Variants in BRAF observed in about 807,000 individuals in gnomAD.
The protein encoded by BRAF is B-Raf proto-oncogene, serine/threonine kinase.
Under a neutral mutation model 104.6 loss-of-function variants are expected in BRAF, and 16 were observed. The ratio of observed to expected loss-of-function variants is 0.15; its 90% CI spans 0.10 to 0.23. The LOEUF (loss-of-function observed/expected upper bound fraction) is 0.23, where lower values mean the gene tolerates loss of function less well. Among genes scored for constraint, BRAF ranks in the 10% least tolerant of loss-of-function variants. BRAF has a pLI of 1.00. For synonymous variants in BRAF, 310 were observed against 341.6 expected (o/e 0.91, Z 1.02); for missense variants, 541 against 937.3 (o/e 0.58, Z 5.52).
intron 3 of BRAF, among the ~76,000 whole-genome samples, chr7:140,829,185 A>G (rs926965587): frequency 8.4e-6 from 1 of 118,918 alleles, no homozygotes; most frequent in African/African-American, 2.7e-5. Flanking sequence ...GACTCTGTTA[A>G]GGTTTTTTTT....
At chr7:140,770,527 C>CAAAA (rs35621209) in intron 14 of BRAF, among the ~76,000 whole-genome samples, 1,466 of 63,396 alleles carry the variant, frequency 0.023, 57 homozygotes, top group African/African-American at 0.06. Flanking sequence ...TAAGGCCTGC[C>CAAAA]AAAAAAAAAA....
intron 10 of BRAF, 123 bp from the exon 10 acceptor site, chr7:140,783,280 C>G (rs1247844669): frequency 1.6e-6 from 2 of 1,268,360 alleles, no homozygotes; most frequent in Non-Finnish European, 2.2e-6. Flanking sequence ...TAAATATAGA[C>G]CTTTTGGAAA....
intron 1 of BRAF, among the ~76,000 whole-genome samples, chr7:140,866,628 AAT>A (rs2129088170): frequency 6.6e-6 from 1 of 152,310 alleles, no homozygotes; most frequent in South Asian, 2.1e-4. Flanking sequence ...AGGCTAGAGA[AAT>A]AATAGTTAAG....
chr7:140,782,735 C>G (rs535417277), intron 11 of BRAF, among the ~76,000 whole-genome samples: 6 of 152,198 alleles, frequency 3.9e-5, no homozygotes, highest in Admixed American at 3.3e-4. Flanking sequence ...TCTGGACCAG[C>G]CTTTTCGTGC....
chr7:140,791,612 C>A (rs1401747129), intron 8 of BRAF, among the ~76,000 whole-genome samples: 1 of 152,174 alleles, frequency 6.6e-6, no homozygotes, highest in African/African-American at 2.4e-5. Flanking sequence ...AAATCTGTAT[C>A]TCTACTCAAG....
intron 1 of BRAF, among the ~76,000 whole-genome samples, chr7:140,912,050 A>G (rs889603166): frequency 1.3e-5 from 2 of 152,228 alleles, no homozygotes; most frequent in African/African-American, 4.8e-5. Flanking sequence ...CTACTCGGGA[A>G]GCTGAGGTGA....
At chr7:140,849,084 T>C (rs1049509527) in intron 2 of BRAF, among the ~76,000 whole-genome samples, 1 of 152,210 alleles carries the variant, frequency 6.6e-6, no homozygotes, top group Admixed American at 6.5e-5. Flanking sequence ...CTCCATCTCC[T>C]TGCCTCACTA....
intron 16 of BRAF, among the ~76,000 whole-genome samples, chr7:140,751,418 G>A (rs541498901): frequency 3.0e-4 from 46 of 152,088 alleles, no homozygotes; most frequent in African/African-American, 1.1e-3. Flanking sequence ...TTTTTCACAA[G>A]GTGTGTATGC....
At chr7:140,860,112 C>G (rs1393263103) in intron 1 of BRAF, among the ~76,000 whole-genome samples, 1 of 152,096 alleles carries the variant, frequency 6.6e-6, no homozygotes, top group African/African-American at 2.4e-5. Flanking sequence ...AGCATAGAGA[C>G]AGAAAGCCCA....
chr7:140,724,588 A>G lies in BRAF; in HGVS notation c.*1906T>C, dbSNP rs1795498966. On this transcript the variant is annotated 3_prime_UTR_variant, in exon 20 of 20. Transcript: ENST00000644969. ...TTTTACTAGGACAACCTTTTACAAG[A>G]CAATGAAAATTTCAATAGGCTTTCT... 9.6e-6 allele frequency: 10 copies of G among 1,040,506 alleles called. No homozygotes were observed. Among genetic ancestry groups the G allele is most frequent in the Non-Finnish European group, 1.2e-5 (10 of 863,476 alleles). The allele number at this position is 1,040,506 out of a possible 1,614,324, so 64.5% of individuals were successfully genotyped here.
intron 14 of BRAF, among the ~76,000 whole-genome samples, chr7:140,768,247 G>A (rs576973297): frequency 2.1e-5 from 2 of 93,598 alleles, no homozygotes; most frequent in East Asian, 3.3e-4. Flanking sequence ...ATATTTCCTC[G>A]TAACATGATT....
At chr7:140,865,950 AG>A (rs1283869490) in intron 1 of BRAF, among the ~76,000 whole-genome samples, 2 of 152,178 alleles carry the variant, frequency 1.3e-5, no homozygotes, top group Non-Finnish European at 2.9e-5. Flanking sequence ...CAGGGATGGC[AG>A]GGGAAAGGAG....
At chr7:140,783,254 A>T in intron 10 of BRAF, 97 bp from the exon 10 acceptor site, 1 of 1,451,276 alleles carries the variant, frequency 6.9e-7, no homozygotes, top group African/African-American at 1.4e-5. Context: ...CTTAATTTTA[A>T]AATGTAGTGC....
chr7:140,774,210 T>G (rs542484641), intron 14 of BRAF, among the ~76,000 whole-genome samples: 1 of 152,348 alleles, frequency 6.6e-6, no homozygotes, highest in African/African-American at 2.4e-5. Flanking sequence ...CTTTTTCAGT[T>G]ACTAAAATCT....
chr7:140,878,570 T>C (rs914704812), intron 1 of BRAF, among the ~76,000 whole-genome samples: 2 of 151,638 alleles, frequency 1.3e-5, no homozygotes, highest in Admixed American at 6.6e-5. Context: ...GACAGTAGAG[T>C]AGTGGTTATC....
intron 3 of BRAF, among the ~76,000 whole-genome samples, chr7:140,825,591 C>G (rs377515125): frequency 6.6e-6 from 1 of 152,096 alleles, no homozygotes. Flanking sequence ...TACAGTAAAC[C>G]TTCTTGGACA....
At chr7:140,717,798 T>C (rs1377011407), downstream of BRAF, among the ~76,000 whole-genome samples, 5 of 152,210 alleles carry the variant, frequency 3.3e-5, no homozygotes, top group Non-Finnish European at 1.5e-5. Context: ...CACATGAAGG[T>C]TTAGAAAATG....
chr7:140,756,617 A>T (rs1442873164), intron 14 of BRAF, among the ~76,000 whole-genome samples: 1 of 152,210 alleles, frequency 6.6e-6, no homozygotes, highest in Non-Finnish European at 1.5e-5. Flanking sequence ...AGGGAACAAG[A>T]ATATATCAAC....
At chr7:140,827,515 C>T (rs536457083) in intron 3 of BRAF, among the ~76,000 whole-genome samples, 31 of 152,302 alleles carry the variant, frequency 2.0e-4, no homozygotes, top group African/African-American at 7.0e-4. Flanking sequence ...CTGTCAAAGA[C>T]AGTCAAGTTT....
Sources: allele counts gnomAD v4.1 joint callset (sites outside exome capture counted in the v4.1 genomes callset), GRCh38; gene constraint gnomAD v4.1.1; transcripts MANE v1.5; gene names NCBI Gene and HGNC (gene_info 2026-07-23, HGNC 2026-07-21).